EML2: variants seen among roughly 807,000 people sequenced by gnomAD.
The protein encoded by EML2 is echinoderm microtubule-associated protein-like 2.
EML2 carries 59 observed loss-of-function variants against 84.7 expected under a neutral mutation model. That is an observed-to-expected ratio of 0.70 (90% CI 0.56 to 0.86). The LOEUF is 0.86. Among genes scored for constraint, EML2 ranks in the 40% least tolerant of loss-of-function variants. The pLI, the probability that EML2 is intolerant of heterozygous loss-of-function variation, is 0.00. For synonymous variants in EML2, 352 were observed against 348.9 expected (o/e 1.01, Z -0.10); for missense variants, 818 against 855.6 (o/e 0.96, Z 0.55).
chr19:45,645,236 G>C (rs1448068737), upstream of EML2: 9 of 1,527,676 alleles, frequency 5.9e-6, no homozygotes, highest in Non-Finnish European at 7.9e-6. Flanking sequence ...GTCCAGCCTT[G>C]GGCGGGGCCA....
intron 9 of EML2, 28 bp from the exon 10 acceptor site, chr19:45,621,665 C>A: frequency 6.3e-7 from 1 of 1,598,578 alleles, no homozygotes; most frequent in Non-Finnish European, 8.5e-7. Flanking sequence ...GCAGGGTCAA[C>A]AGGGAGAAGC....
chr19:45,643,252 G>A (rs569511042), upstream of EML2, among the ~76,000 whole-genome samples: 1 of 152,230 alleles, frequency 6.6e-6, no homozygotes, highest in Non-Finnish European at 1.5e-5. Flanking sequence ...CCTGGGGTTC[G>A]ACCCTAGAGC....
At chr19:45,639,324 G>C in intron 1 of EML2, 33 bp downstream of exon 1, 7 of 1,347,166 alleles carry the variant, frequency 5.2e-6, no homozygotes, top group Non-Finnish European at 6.7e-6. Flanking sequence ...AGCGCGGAGA[G>C]GAGATGGGGG....
chr19:45,615,050 A>C, intron 16 of EML2: 1 of 217,066 alleles, frequency 4.6e-6, no homozygotes, highest in Non-Finnish European at 9.4e-6. Flanking sequence ...AAAATACAAA[A>C]ATTAGACCAG....
chr19:45,620,366 G>A (rs1362798381), intron 11 of EML2, among the ~76,000 whole-genome samples: 2 of 151,764 alleles, frequency 1.3e-5, no homozygotes, highest in East Asian at 1.9e-4. Context: ...TGCCTGCCTC[G>A]GCCTCCCAAA....
chr19:45,633,158 G>T lies in EML2; in HGVS notation c.330-19C>A, dbSNP rs1391687483. 3 of 1,604,790 alleles carry T rather than the reference G, an allele frequency of 1.9e-6. No individual in the cohort carries two copies. Among genetic ancestry groups the T allele is most frequent in the Non-Finnish European group, 2.6e-6 (3 of 1,175,726 alleles). ...GGCCAAGCTGCGGAAAGAAGGGACA[G>T]AGAGACCAGGGCTCAGTGGGAGAGA... is the stretch of plus-strand genomic sequence containing the variant. On this transcript the variant is annotated intron_variant, in intron 4 of 18. Transcript: ENST00000245925.
chr19:45,610,319 C>T (rs950060391), intron 18 of EML2, among the ~76,000 whole-genome samples: 3 of 152,000 alleles, frequency 2.0e-5, no homozygotes, highest in African/African-American at 2.4e-5. Context: ...ATCACTTGAA[C>T]CAGGGAGTCG....
At chr19:45,616,687 C>T (rs1437001676) in intron 14 of EML2, 78 bp downstream of exon 14, 10 of 1,456,262 alleles carry the variant, frequency 6.9e-6, no homozygotes, top group Non-Finnish European at 1.9e-6. Flanking sequence ...TTCGCAGGCT[C>T]CACCCCTCCC....
chr19:45,645,165 A>C (rs888934451), upstream of EML2: 10 of 1,243,218 alleles, frequency 8.0e-6, no homozygotes, highest in East Asian at 2.3e-4. Flanking sequence ...GAAAAGGGGG[A>C]TCTTCAGCAA....
chr19:45,641,770 G>A (rs949375129), upstream of EML2: 13 of 1,535,312 alleles, frequency 8.5e-6, no homozygotes, highest in South Asian at 3.6e-5. Flanking sequence ...CACACAGGTG[G>A]GGGCAGAGCC....
upstream of EML2, chr19:45,641,479 T>A: frequency 1.5e-6 from 1 of 668,040 alleles, no homozygotes; most frequent in Non-Finnish European, 2.5e-6. Flanking sequence ...ACTGTTACCG[T>A]GCCACCTCAA....
chr19:45,609,879 C>T, intron 18 of EML2, 91 bp from the exon 19 acceptor site: 1 of 1,422,788 alleles, frequency 7.0e-7, no homozygotes, highest in Non-Finnish European at 9.3e-7. Flanking sequence ...TTCTTTTCTG[C>T]TCTTCCTCTT....
At chr19:45,645,179 A>T (rs1974936224), upstream of EML2, 3 of 1,340,332 alleles carry the variant, frequency 2.2e-6, no homozygotes, top group East Asian at 5.1e-5. Flanking sequence ...TCAGCAAGGG[A>T]GGGGGTTGGG....
chr19:45,626,152 C>T (rs552501421), intron 8 of EML2, among the ~76,000 whole-genome samples: 23 of 152,224 alleles, frequency 1.5e-4, no homozygotes, highest in African/African-American at 5.5e-4. Context: ...ACTGGGATTA[C>T]AGGTGCACAC....
At chr19:45,618,608 C>T (rs1252148968) in intron 12 of EML2, among the ~76,000 whole-genome samples, 1 of 152,028 alleles carries the variant, frequency 6.6e-6, no homozygotes, top group Admixed American at 6.6e-5. Context: ...TCTGAGAGAG[C>T]TTCTAAGCAC....
At chr19:45,626,626 G>A in intron 8 of EML2, 79 bp downstream of exon 8, 1 of 1,497,688 alleles carries the variant, frequency 6.7e-7, no homozygotes, top group African/African-American at 1.4e-5. Context: ...GCCACCCTCT[G>A]GGGGATCTTG....
chr19:45,632,487 AT>A (rs957535145), intron 6 of EML2: 25 of 182,886 alleles, frequency 1.4e-4, no homozygotes, highest in South Asian at 3.1e-4. Context: ...CCAAAATAGG[AT>A]TTTTTTTTAA....
intron 4 of EML2, among the ~76,000 whole-genome samples, chr19:45,633,364 GTACCTCACA>G (rs1165143132): frequency 6.6e-6 from 1 of 152,084 alleles, no homozygotes; most frequent in Non-Finnish European, 1.5e-5. Context: ...ACGCAGGTCT[GTACCTCACA>G]TAGTGGCCAG....
At chr19:45,638,903 G>C (rs537305582) in intron 1 of EML2, 30 bp from the exon 2 acceptor site, 8 of 1,613,538 alleles carry the variant, frequency 5.0e-6, no homozygotes, top group South Asian at 2.2e-5. Flanking sequence ...AAAAAAAAAG[G>C]GTCTTAGTAT....
Sources: gnomAD v4.1 joint callset for allele counts (sites outside exome capture counted in the v4.1 genomes callset) on GRCh38, gnomAD v4.1.1 for gene constraint, MANE v1.5 for transcripts, NCBI Gene and HGNC (gene_info 2026-07-23, HGNC 2026-07-21) for gene names.